The following MUC12 variants were observed in gnomAD, a reference collection of about 807,000 sequenced individuals.
MUC12 encodes the protein mucin-12.
MUC12 carries 172 observed loss-of-function variants against 230.8 expected under a neutral mutation model. That is an observed-to-expected ratio of 0.75 (90% CI 0.66 to 0.85). The LOEUF is 0.85. Among genes scored for constraint, MUC12 ranks in the 40% least tolerant of loss-of-function variants. MUC12 has a pLI of 0.00. For synonymous variants in MUC12, 1,259 were observed against 2,401.9 expected, an observed-to-expected ratio of 0.52 and a Z score of 13.91; for missense variants, 3,506 against 5,920.6, an observed-to-expected ratio of 0.59 and a Z score of 13.38.
chr7:101,011,049 G>A (rs77657100), intron 5 of MUC12, among the ~76,000 whole-genome samples: 1 of 152,172 alleles, frequency 6.6e-6, no homozygotes. Flanking sequence ...GGGGGTGAGG[G>A]AGGGTCATGG....
In MUC12 at chr7:101,004,636, T is replaced by G; in HGVS notation, c.14073T>G (p.Asp4691Glu). 1 of 1,537,218 alleles carries G rather than the reference T, an allele frequency of 6.5e-7. No homozygotes were observed. Among genetic ancestry groups the G allele is most frequent in the Non-Finnish European group, 8.7e-7 (1 of 1,146,592 alleles). Residue 4691 changes from aspartate to glutamate, a missense_variant, in exon 2 of 12, where the codon GAT becomes GAG. Transcript: ENST00000536621. ...EESTASHSSP[D>E]TNGITPLPAH... ...CAACAGCATCCCACAGCAGCCCAGA[T>G]ACAAATGGAATCACACCCTTACCTG... is the stretch of plus-strand genomic sequence containing the variant.
At chr7:101,008,299 T>C (rs1033517503) in intron 3 of MUC12, among the ~76,000 whole-genome samples, 4 of 151,578 alleles carry the variant, frequency 2.6e-5, no homozygotes, top group African/African-American at 9.7e-5. Context: ...GTTAATTTTT[T>C]TATTTTCGTG....
Position 100,990,781 on chromosome 7 carries a change from C to A in MUC12, c.218C>A (p.Thr73Lys). 44 of 1,537,854 alleles carry A rather than the reference C, an allele frequency of 2.9e-5. No individual in the cohort carries two copies. Among genetic ancestry groups the A allele is most frequent in the Non-Finnish European group, 3.8e-5 (44 of 1,147,054 alleles). The change falls in exon 2 of 12, where the codon ACA becomes AAA. Residue 73 changes from threonine (T) to lysine (K), a missense_variant. Coordinates refer to ENST00000536621, the MANE Select transcript of MUC12 (RefSeq NM_001164462.2). ...TATKHFLDSSTNSGHSEESTV... is the reference protein window; with the variant it reads ...TATKHFLDSSKNSGHSEESTV... ...ACAAAACACTTCCTTGACAGCTCCA[C>A]AAACTCAGGCCACAGTGAGGAATCA...
At chr7:100,974,810 G>A (rs1018073538) in intron 1 of MUC12, among the ~76,000 whole-genome samples, 1 of 151,962 alleles carries the variant, frequency 6.6e-6, no homozygotes, top group Admixed American at 6.6e-5. Flanking sequence ...GGGCAACAGA[G>A]AGAGACCTTG....
In MUC12 at chr7:100,995,546, G is replaced by T. The variant is rs769576598; in HGVS notation, c.4983G>T (p.Thr1661=). The T allele has an allele frequency of 3.3e-6, 5 of 1,535,884 alleles. No individual in the cohort carries two copies. The highest frequency in any genetic ancestry group is 1.4e-5 in the African/African-American group (1 of 71,692). ...CCTCAGGCCTCCTTGAAGCATCTAC[G>T]CCCGTCCACAGCAGCACTGGATCGC... The part of the protein sequence containing the change: ...TTASGLLEAS[T]PVHSSTGSPH... Residue 1661 remains threonine, a synonymous_variant, in exon 2 of 12, where the codon ACG becomes ACT. Coordinates refer to ENST00000536621, the MANE Select transcript of MUC12 (RefSeq NM_001164462.2).
chr7:100,991,575 G>A lies in MUC12; in HGVS notation c.1012G>A (p.Val338Ile). The A allele has an allele frequency of 6.5e-7, 1 of 1,537,024 alleles. No individual in the cohort carries two copies. Among genetic ancestry groups the A allele is most frequent in the African/African-American group, 1.4e-5 (1 of 73,106 alleles). The change falls in exon 2 of 12, where the codon GTT (valine) becomes ATT (isoleucine). Residue 338 changes from valine to isoleucine, a missense_variant. Transcript: ENST00000536621. The part of the protein sequence containing the change: ...EESTPVHSSP[V>I]ATATTPPPAR... ...ATCGACACCAGTCCACAGCAGCCCA[G>A]TTGCAACTGCAACAACACCCCCACC...
In MUC12 at chr7:100,992,983, C is replaced by T. The variant is rs573433473; in HGVS notation, c.2420C>T (p.Thr807Met). Residue 807 changes from threonine to methionine, a missense_variant, in exon 2 of 12, where the codon ACG becomes ATG. By Grantham distance (81) the Thr-to-Met change is moderately conservative (BLOSUM62 -1). Transcript: ENST00000536621. Reference sequence around the variant, plus strand: ...CCCATCAGTTCAGGCTCAATGGAAACGACAGCGTTACCCGGCAGTACCACA... The same window carrying T: ...CCCATCAGTTCAGGCTCAATGGAAATGACAGCGTTACCCGGCAGTACCACA... Reference protein sequence around the residue: ...TSPISSGSMETTALPGSTTTP... With the variant: ...TSPISSGSMEMTALPGSTTTP... 1,271 of 1,537,264 alleles carry T rather than the reference C, an allele frequency of 8.3e-4. 22 individuals are homozygous for T. In the East Asian group the frequency reaches 0.025, roughly 30 times the overall value.
intron 8 of MUC12, among the ~76,000 whole-genome samples, chr7:101,013,421 TTGTC>T (rs1477205579): frequency 2.6e-5 from 4 of 151,958 alleles, no homozygotes; most frequent in Non-Finnish European, 5.9e-5. Flanking sequence ...ATCTCTATCT[TTGTC>T]TGTATCTCTA....
chr7:101,013,773 C>A, intron 8 of MUC12, 140 bp from the exon 9 acceptor site: 1 of 1,031,608 alleles, frequency 9.7e-7, no homozygotes, highest in Non-Finnish European at 1.3e-6. Context: ...AAGTCAGGGA[C>A]CCAGGCTCTC....
Position 100,990,708 on chromosome 7 carries a change from T to G in MUC12, c.145T>G (p.Phe49Val). 2.6e-6 allele frequency: 4 copies of G among 1,537,916 alleles called. No individual in the cohort carries two copies. Among genetic ancestry groups the G allele is most frequent in the Non-Finnish European group, 3.5e-6 (4 of 1,147,056 alleles). ...CAGTTCAAGCGACCCTTTTACCACC[T>G]TTAGTGACTATGGGGTGTCAGTCAC... ...TPSSSDPFTT[F>V]SDYGVSVTFI... is the part of the protein sequence containing the mutation. Residue 49 changes from phenylalanine (F) to valine (V), a missense_variant, in exon 2 of 12, where the codon TTT becomes GTT. Transcript: ENST00000536621.
intron 1 of MUC12, among the ~76,000 whole-genome samples, chr7:100,982,463 G>T (rs1444876005): frequency 6.6e-6 from 1 of 150,714 alleles, no homozygotes; most frequent in African/African-American, 2.4e-5. Context: ...TAGAAACAGG[G>T]TCTTGCTCTG....
At chr7:100,985,101 A>G (rs1793168756) in intron 1 of MUC12, among the ~76,000 whole-genome samples, 1 of 152,064 alleles carries the variant, frequency 6.6e-6, no homozygotes, top group Non-Finnish European at 1.5e-5. Flanking sequence ...TCCTGACCTT[A>G]GGTGATTGAG....
rs1793999740 is a variant in MUC12, at chr7:101,018,669, T to G, written c.*33T>G. ...GGGGCCTCCCACCCTCATCTAGCTC[T>G]GTTCAGGAGAGCTGCAAACACAGAG... On this transcript the variant is annotated 3_prime_UTR_variant, in exon 12 of 12. Coordinates refer to ENST00000536621, the MANE Select transcript of MUC12 (RefSeq NM_001164462.2). The G allele has an allele frequency of 2.6e-6, 4 of 1,526,108 alleles. No individual in the cohort carries two copies. The highest frequency in any genetic ancestry group is 2.8e-5 in the African/African-American group (2 of 72,710). The allele number at this position is 1,526,108 out of a possible 1,614,324, so 94.5% of individuals were successfully genotyped here.
intron 1 of MUC12, chr7:100,972,092 A>G (rs1792914132): frequency 5.7e-6 from 4 of 703,212 alleles, no homozygotes; most frequent in Admixed American, 2.0e-5. Flanking sequence ...GATTAGATCC[A>G]GAGACCCCCT....
intron 6 of MUC12, 128 bp downstream of exon 6, chr7:101,012,575 GC>G: frequency 8.7e-7 from 1 of 1,148,474 alleles, no homozygotes; most frequent in Non-Finnish European, 1.2e-6. Flanking sequence ...CAGAAGCCAG[GC>G]CCAGGGTGCC....
intron 1 of MUC12, among the ~76,000 whole-genome samples, chr7:100,984,686 G>A (rs1163716087): frequency 6.6e-6 from 1 of 152,090 alleles, no homozygotes; most frequent in East Asian, 1.9e-4. Flanking sequence ...GTGTGCTTGC[G>A]CATCGCCTCC....
Position 100,991,886 on chromosome 7 carries a change from C to A in MUC12, c.1323C>A (p.His441Gln), listed in dbSNP as rs1180912281. ...GTAGTGAGGAATCAAAAGCATCCCACAGCAGCCCAGATGCAATGGCAACAA... is the reference window on the plus strand; with the variant it reads ...GTAGTGAGGAATCAAAAGCATCCCAAAGCAGCCCAGATGCAATGGCAACAA... The part of the protein sequence containing the change: ...SGRSEESKAS[H>Q]SSPDAMATTV... The change falls in exon 2 of 12, where the codon CAC becomes CAA. Residue 441 changes from histidine to glutamine, a missense_variant. Transcript: ENST00000536621. 1.0e-5 allele frequency: 16 copies of A among 1,537,890 alleles called. No homozygotes were observed. In the East Asian group the frequency reaches 3.2e-4, roughly 31 times the overall value.
rs868096838 is a variant in MUC12, at chr7:101,008,858, C to T, written c.15186+97C>T. 21 of 1,423,328 alleles carry T rather than the reference C, an allele frequency of 1.5e-5. No homozygotes were observed. The Middle Eastern group carries it at 3.9e-3, about 264-fold the overall frequency. 88.2% of individuals were successfully genotyped at this position (1,423,328 alleles called of 1,614,324 possible). On this transcript the variant is annotated intron_variant, in intron 4 of 11. Transcript: ENST00000536621. ...ACTTAGTGATCTGAGTTCTTCTGCT[C>T]ATGAGCCCCCTCCCTACCAGTCTCC...
chr7:101,008,278 T>C (rs1793787988), intron 3 of MUC12, among the ~76,000 whole-genome samples: 1 of 151,924 alleles, frequency 6.6e-6, no homozygotes, highest in Admixed American at 6.6e-5. Context: ...AGGCGTGCAC[T>C]ACCATGCCTG....
Sources: gnomAD v4.1 joint callset for allele counts (sites outside exome capture counted in the v4.1 genomes callset) on GRCh38, gnomAD v4.1.1 for gene constraint, MANE v1.5 for transcripts, NCBI Gene and HGNC (gene_info 2026-07-23, HGNC 2026-07-21) for gene names.